Variants in ARNT2 observed in about 807,000 individuals in gnomAD.
ARNT2 encodes the protein ARNT protein 2.
Under a neutral mutation model 91.7 loss-of-function variants are expected in ARNT2, and 36 were observed. The ratio of observed to expected loss-of-function variants is 0.39; its 90% CI spans 0.30 to 0.52. The LOEUF is 0.52. Among genes scored for constraint, ARNT2 ranks in the 20% least tolerant of loss-of-function variants. ARNT2 has a pLI of 0.72. For synonymous variants in ARNT2, 365 were observed against 347.1 expected (o/e 1.05, Z -0.57); for missense variants, 775 against 939.3 (o/e 0.83, Z 2.29).
intron 15 of ARNT2, among the ~76,000 whole-genome samples, chr15:80,578,947 CT>C (rs1199521919): frequency 1.3e-5 from 2 of 152,208 alleles, no homozygotes; most frequent in African/African-American, 4.8e-5. Flanking sequence ...TCCTGGGCCG[CT>C]TGCAGAATGG....
chr15:80,555,931 C>T (rs955904552), intron 11 of ARNT2: 1 of 152,202 alleles, frequency 6.6e-6, no homozygotes, highest in Non-Finnish European at 1.5e-5. Context: ...CACCACTGCA[C>T]TTCAGTCTGG....
In ARNT2 at chr15:80,516,166, C is replaced by T. The variant is rs374004992; in HGVS notation, c.877+1761C>T. On this transcript the variant is annotated intron_variant, in intron 8 of 18. Transcript: ENST00000303329. The stretch of plus-strand genomic sequence containing the variant: ...GATGACAGGCGTGAGCCACCGCACC[C>T]AGCCAGATAAAGTATTCTTTAAATG... Among the ~76,000 whole-genome samples the T allele has an allele frequency of 2.7e-4, 41 of 152,258 alleles. No individual in the cohort carries two copies. The East Asian group carries it at 7.7e-3, about 29-fold the overall frequency.
chr15:80,414,623 T>A (rs1385936868), intron 1 of ARNT2, among the ~76,000 whole-genome samples: 4 of 152,228 alleles, frequency 2.6e-5, no homozygotes, highest in African/African-American at 9.6e-5. Flanking sequence ...TAGAACAGCA[T>A]TGATGTTTCT....
At chr15:80,577,686 C>T (rs949708942) in intron 15 of ARNT2, among the ~76,000 whole-genome samples, 1 of 152,234 alleles carries the variant, frequency 6.6e-6, no homozygotes, top group African/African-American at 2.4e-5. Flanking sequence ...GCAGAGCTTC[C>T]AGATGCAGAG....
intron 17 of ARNT2, among the ~76,000 whole-genome samples, chr15:80,583,266 G>T (rs553475358): frequency 6.6e-6 from 1 of 152,252 alleles, no homozygotes; most frequent in South Asian, 2.1e-4. Context: ...GAGCTAACAC[G>T]CAACCGTGGC....
Position 80,591,467 on chromosome 15 carries a change from C to A in ARNT2, c.1919-101C>A, listed in dbSNP as rs1410855919. 2.0e-6 allele frequency: 3 copies of A among 1,467,760 alleles called. No individual in the cohort carries two copies. Among genetic ancestry groups the A allele is most frequent in the Non-Finnish European group, 2.8e-6 (3 of 1,061,288 alleles). The allele number at this position is 1,467,760 out of a possible 1,614,324, so 90.9% of individuals were successfully genotyped here. A position where few individuals can be genotyped will look rare whatever the true frequency, so the allele number is the denominator to read the frequency against. On this transcript the variant is annotated intron_variant, in intron 17 of 18. Transcript: ENST00000303329. The surrounding 1 kb of genome is among the most constrained non-coding windows in gnomAD (Gnocchi z 5.1). Reference sequence around the variant, plus strand: ...TTCCGCCAGCTCTGGATGGAACGTGCCTTTCAGAAGCGGGAGGCCCTCCAG... The same window carrying A: ...TTCCGCCAGCTCTGGATGGAACGTGACTTTCAGAAGCGGGAGGCCCTCCAG...
rs748720345 is a variant in ARNT2 at position 80,591,603 on chromosome 15, C to T, written c.1954C>T (p.Arg652Trp). Residue 652 changes from arginine (R) to tryptophan (W), a missense_variant, in exon 18 of 19, where the codon CGG (arginine) becomes TGG (tryptophan). Around this residue, in one of 5 missense-constraint regions of ARNT2, gnomAD observed 325 missense variants for 359.9 expected, o/e 0.90. Transcript: ENST00000303329. The surrounding 1 kb of genome is among the most constrained non-coding windows in gnomAD (Gnocchi z 5.1). ...SGQSSGQFQG[R>W]PSEVWSQWQS... ...ACAAAGTAGCGGGCAGTTCCAAGGG[C>T]GGCCCTCGGAAGTCTGGTCGCAGTG... 1.9e-6 allele frequency: 3 copies of T among 1,614,150 alleles called. No homozygotes were observed. Among genetic ancestry groups the T allele is most frequent in the Non-Finnish European group, 2.5e-6 (3 of 1,180,024 alleles).
chr15:80,514,472 T>TG (rs752831375), intron 8 of ARNT2, 67 bp downstream of exon 8: 89 of 1,365,062 alleles, frequency 6.5e-5, no homozygotes, highest in Non-Finnish European at 9.2e-5. Flanking sequence ...TGGTGTCCTG[T>TG]TAGAGAAGTA....
intron 8 of ARNT2, among the ~76,000 whole-genome samples, chr15:80,514,871 G>A (rs1421550727): frequency 6.6e-6 from 1 of 152,050 alleles, no homozygotes; most frequent in East Asian, 1.9e-4. Flanking sequence ...GGGCAACACA[G>A]CAAGACCCCA....
intron 1 of ARNT2, among the ~76,000 whole-genome samples, chr15:80,405,126 G>A (rs1006935049): frequency 6.6e-6 from 1 of 152,220 alleles, no homozygotes; most frequent in African/African-American, 2.4e-5. Context: ...GAGCAGCCCT[G>A]GTCCTGCCCA....
In ARNT2 at chr15:80,593,991, A is replaced by C; in HGVS notation, c.*293A>C. The stretch of plus-strand genomic sequence containing the variant: ...TAGTGGGTCCTTAAGTTTGGTTGTG[A>C]ATAATCTCTTGATAGACAATTTATA... On this transcript the variant is annotated 3_prime_UTR_variant, in exon 19 of 19. Transcript: ENST00000303329. The C allele has an allele frequency of 2.8e-6, 1 of 360,814 alleles. No homozygotes were observed. 22.4% of individuals were successfully genotyped at this position (360,814 alleles called of 1,614,324 possible). A position where few individuals can be genotyped will look rare whatever the true frequency, so the allele number is the denominator to read the frequency against.
intron 17 of ARNT2, among the ~76,000 whole-genome samples, chr15:80,586,885 T>TGAGAAACGA (rs1346981068): frequency 1.4e-5 from 2 of 145,726 alleles, no homozygotes; most frequent in African/African-American, 2.6e-5. Flanking sequence ...ATATCTGGAG[T>TGAGAAACGA]GAGAAACGAA....
intron 8 of ARNT2, among the ~76,000 whole-genome samples, chr15:80,537,478 A>G (rs1474049424): frequency 6.6e-6 from 1 of 152,190 alleles, no homozygotes; most frequent in Non-Finnish European, 1.5e-5. Context: ...ATATTAAAAC[A>G]CTAAATATTT....
Position 80,597,399 on chromosome 15 carries a change from C to A in ARNT2, c.*3701C>A. 2.2e-6 allele frequency: 1 copy of A among 445,546 alleles called. No homozygotes were observed. Among genetic ancestry groups the A allele is most frequent in the Non-Finnish European group, 4.5e-6 (1 of 222,608 alleles). 27.6% of individuals were successfully genotyped at this position (445,546 alleles called of 1,614,324 possible). A position where few individuals can be genotyped will look rare whatever the true frequency, so the allele number is the denominator to read the frequency against. ...CAGAAAATATGGGCTTGGCCTAAGT[C>A]GCTGTCTCCTAACCTGCCGGGGTCA... On this transcript the variant is annotated 3_prime_UTR_variant, in exon 19 of 19. Transcript: ENST00000303329.
chr15:80,419,285 A>T (rs1895829516), intron 1 of ARNT2, among the ~76,000 whole-genome samples: 1 of 152,178 alleles, frequency 6.6e-6, no homozygotes, highest in Non-Finnish European at 1.5e-5. Flanking sequence ...GCTGGCCCAG[A>T]TCCCCTTCAG....
At chr15:80,481,884 C>T (rs1199966421) in intron 5 of ARNT2, among the ~76,000 whole-genome samples, 2 of 152,156 alleles carry the variant, frequency 1.3e-5, no homozygotes, top group African/African-American at 4.8e-5. Context: ...CAGGTGTACA[C>T]CATCATGCCT....
chr15:80,567,094 C>T (rs1200251328), intron 12 of ARNT2, among the ~76,000 whole-genome samples: 7 of 152,144 alleles, frequency 4.6e-5, no homozygotes, highest in East Asian at 1.9e-4. Flanking sequence ...GCTTGAGAAA[C>T]GGGAGTAAAG....
At chr15:80,451,741 T>TCAAC in intron 2 of ARNT2, among the ~76,000 whole-genome samples, 1 of 148,422 alleles carries the variant, frequency 6.7e-6, no homozygotes, top group South Asian at 2.2e-4. Flanking sequence ...AACCAACCAA[T>TCAAC]CAACCAACCA....
At chr15:80,510,227 A>G (rs996474263) in intron 6 of ARNT2, among the ~76,000 whole-genome samples, 6 of 152,152 alleles carry the variant, frequency 3.9e-5, no homozygotes, top group Non-Finnish European at 2.9e-5. Flanking sequence ...CTCAGTCGGA[A>G]AAACTGAGTT....
Sources: gnomAD v4.1 joint callset for allele counts (sites outside exome capture counted in the v4.1 genomes callset) on GRCh38, gnomAD v4.1.1 for gene constraint, gnomAD v4.1.1 regional missense constraint, Gnocchi (gnomAD v3.1) non-coding constraint, MANE v1.5 for transcripts, NCBI Gene and HGNC (gene_info 2026-07-23, HGNC 2026-07-21) for gene names.